GALNT18: variants seen among roughly 807,000 people sequenced by gnomAD.
The protein encoded by GALNT18 is GalNAc-transferase 18.
In GALNT18, 44 loss-of-function variants were observed where a neutral mutation model predicts 69.5. The observed-to-expected ratio is 0.63, with a 90% CI of 0.50 to 0.81. The LOEUF (loss-of-function observed/expected upper bound fraction) is 0.81. GALNT18 is among the 40% of genes least tolerant of loss of function. GALNT18 has a pLI of 0.00. For missense variants in GALNT18, 715 were observed against 810.0 expected, an observed-to-expected ratio of 0.88 and a Z score of 1.42; for synonymous variants, 364 against 318.2, an observed-to-expected ratio of 1.14 and a Z score of -1.53.
chr11:11,386,117 T>C (rs1854051097), intron 3 of GALNT18, among the ~76,000 whole-genome samples: 2 of 152,204 alleles, frequency 1.3e-5, no homozygotes, highest in East Asian at 1.9e-4. Context: ...TATGAAACAA[T>C]GTCTGTTGGT....
At chr11:11,412,396 C>G (rs1326724277) in intron 3 of GALNT18, among the ~76,000 whole-genome samples, 1 of 152,170 alleles carries the variant, frequency 6.6e-6, no homozygotes, top group Non-Finnish European at 1.5e-5. Context: ...GCTTTGGATC[C>G]CCGATCCCTA....
rs567964606 is a variant in GALNT18, at chr11:11,512,170, G to A, written c.236-63234C>T. ...AAAGCCAATTTTTCCATCTGAAACC[G>A]CCTGCCCCCATGGGTTCAGGGCTGA... On this transcript the variant is annotated intron_variant, in intron 1 of 10. Transcript: ENST00000227756. Among the ~76,000 whole-genome samples, 18 of 152,216 alleles carry A rather than the reference G, an allele frequency of 1.2e-4. No individual in the cohort carries two copies. In the East Asian group the frequency reaches 2.9e-3, roughly 25 times the overall value.
rs145600476 is a variant in GALNT18, at chr11:11,505,255, G to C, written c.236-56319C>G. On this transcript the variant is annotated intron_variant, in intron 1 of 10. Transcript: ENST00000227756. This position sits in a 1 kb window ranked among gnomAD's most constrained non-coding sequence, Gnocchi z 4.6. ...GTTGTTTATAGCCAGTGTCTGCTAT[G>C]ATTAGTCATGGATTGGTTGTGAGAT... 3.3e-4 allele frequency among the ~76,000 whole-genome samples: 51 copies of C among 152,302 alleles called. No homozygotes were observed. The East Asian group carries it at 8.1e-3, about 24-fold the overall frequency.
Position 11,382,015 on chromosome 11 carries a change from A to G in GALNT18, c.596-2751T>C, listed in dbSNP as rs534055057. On this transcript the variant is annotated intron_variant, in intron 3 of 10. Transcript: ENST00000227756. The surrounding 1 kb of genome is among the most constrained non-coding windows in gnomAD (Gnocchi z 4.3). ...AGGAAATGCAATCAGAGGAAGAATG[A>G]GCTTTGAGGGGTGGCAGCAAGAGAT... Among the ~76,000 whole-genome samples, 1 of 152,346 alleles carries G rather than the reference A, an allele frequency of 6.6e-6. No homozygotes were observed. The highest frequency in any genetic ancestry group is 2.4e-5 in the African/African-American group (1 of 41,578).
chr11:11,366,181 C>T (rs1173994507), intron 6 of GALNT18, among the ~76,000 whole-genome samples: 1 of 152,170 alleles, frequency 6.6e-6, no homozygotes, highest in Non-Finnish European at 1.5e-5. Context: ...CTTTGAAAAG[C>T]AAATTAATTC....
intron 1 of GALNT18, among the ~76,000 whole-genome samples, chr11:11,485,908 C>T (rs1856634208): frequency 6.6e-6 from 1 of 152,086 alleles, no homozygotes; most frequent in Admixed American, 6.5e-5. Context: ...AAAGTTGCTG[C>T]CCTATGTAAT....
intron 1 of GALNT18, among the ~76,000 whole-genome samples, chr11:11,498,873 C>A (rs546657006): frequency 6.6e-6 from 1 of 152,320 alleles, no homozygotes; most frequent in South Asian, 2.1e-4. Context: ...ATTGTAGTTA[C>A]AGTCAGAGAA....
chr11:11,530,361 C>T (rs1317783700), intron 1 of GALNT18, among the ~76,000 whole-genome samples: 1 of 152,154 alleles, frequency 6.6e-6, no homozygotes, highest in Non-Finnish European at 1.5e-5. Flanking sequence ...TGTCTCTGCC[C>T]CCAGGAGACA....
At chr11:11,520,665 G>A (rs188430618) in intron 1 of GALNT18, among the ~76,000 whole-genome samples, 1 of 152,314 alleles carries the variant, frequency 6.6e-6, no homozygotes, top group East Asian at 1.9e-4. Flanking sequence ...GCAGGAGAAA[G>A]CTAGATGGGG....
At position 11,314,247 on chromosome 11, in the gene GALNT18, T is replaced by C; in HGVS notation, c.1512+12839A>G. ...GAACATTGGTCCACTGTGGAGCTGC[T>C]AATGACTGCTTCTCCCCAGCCTGCA... On this transcript the variant is annotated intron_variant, in intron 9 of 10. Transcript: ENST00000227756. The surrounding 1 kb of genome is among the most constrained non-coding windows in gnomAD (Gnocchi z 5.2). Among the ~76,000 whole-genome samples, 1 of 152,194 alleles carries C rather than the reference T, an allele frequency of 6.6e-6. No homozygotes were observed. Among genetic ancestry groups the C allele is most frequent in the East Asian group, 1.9e-4 (1 of 5,198 alleles).
At position 11,338,836 on chromosome 11, in the gene GALNT18, A is replaced by C. The variant is rs903614158; in HGVS notation, c.1278+1983T>G. 2.0e-5 allele frequency among the ~76,000 whole-genome samples: 3 copies of C among 152,204 alleles called. No homozygotes were observed. Among genetic ancestry groups the C allele is most frequent in the African/African-American group, 7.2e-5 (3 of 41,460 alleles). On this transcript the variant is annotated intron_variant, in intron 7 of 10. Coordinates refer to ENST00000227756, the MANE Select transcript of GALNT18 (RefSeq NM_198516.3). This position sits in a 1 kb window ranked among gnomAD's most constrained non-coding sequence, Gnocchi z 5.3. ...TCCCCCATGGAGCATGTAAGCACCC[A>C]GTGAAGGTAAGAGGAGCCCTTGAAG...
At chr11:11,394,431 G>C (rs1435871765) in intron 3 of GALNT18, among the ~76,000 whole-genome samples, 1 of 151,984 alleles carries the variant, frequency 6.6e-6, no homozygotes, top group African/African-American at 2.4e-5. Context: ...TAGAAGATGA[G>C]CCAAAAAACA....
At chr11:11,325,276 G>A (rs907460087) in intron 9 of GALNT18, among the ~76,000 whole-genome samples, 2 of 152,294 alleles carry the variant, frequency 1.3e-5, no homozygotes, top group Middle Eastern at 3.4e-3. Flanking sequence ...AATATCGTAC[G>A]TTTTCACTTT....
At chr11:11,319,539 C>T (rs1243544030) in intron 9 of GALNT18, among the ~76,000 whole-genome samples, 4 of 152,182 alleles carry the variant, frequency 2.6e-5, no homozygotes, top group Non-Finnish European at 5.9e-5. Flanking sequence ...TATGCTGCTA[C>T]AAGCCGTTAC....
Position 11,556,415 on chromosome 11 carries a change from C to T in GALNT18, c.235+64944G>A, listed in dbSNP as rs115808728. Among the ~76,000 whole-genome samples, 863 of 152,314 alleles carry T rather than the reference C, an allele frequency of 5.7e-3. 7 individuals carry two copies. The highest frequency in any genetic ancestry group is 0.02 in the African/African-American group (814 of 41,548). ...CTGGGGTAAGTCGCCAACATGGCACCGGTAACTCAGGTTTCCAGGGGCAAT... is the reference window on the plus strand; with the variant it reads ...CTGGGGTAAGTCGCCAACATGGCACTGGTAACTCAGGTTTCCAGGGGCAAT... On this transcript the variant is annotated intron_variant, in intron 1 of 10. Coordinates refer to ENST00000227756, the MANE Select transcript of GALNT18 (RefSeq NM_198516.3).
chr11:11,370,420 G>C lies in GALNT18; in HGVS notation c.1092+2095C>G, dbSNP rs998585454. 5.9e-5 allele frequency among the ~76,000 whole-genome samples: 9 copies of C among 152,182 alleles called. No individual in the cohort carries two copies. The South Asian group carries it at 1.9e-3, about 32-fold the overall frequency. On this transcript the variant is annotated intron_variant, in intron 6 of 10. Transcript: ENST00000227756. The stretch of plus-strand genomic sequence containing the variant: ...AGAAAATCTGTTTTGCTGACGATCA[G>C]TGGTTCCGTAACCCTTAAAGGGGGA...
At chr11:11,437,520 TACA>T (rs1400532817) in intron 2 of GALNT18, among the ~76,000 whole-genome samples, 1 of 152,044 alleles carries the variant, frequency 6.6e-6, no homozygotes, top group Non-Finnish European at 1.5e-5. Flanking sequence ...GAGGCAAATT[TACA>T]ACAAGGGCTT....
chr11:11,406,951 G>A (rs1011613002), intron 3 of GALNT18, among the ~76,000 whole-genome samples: 1 of 152,212 alleles, frequency 6.6e-6, no homozygotes, highest in Non-Finnish European at 1.5e-5. Context: ...TCCCTGGAGG[G>A]TTTGCACTGA....
intron 9 of GALNT18, among the ~76,000 whole-genome samples, chr11:11,310,806 T>C (rs1849659776): frequency 6.6e-6 from 1 of 152,206 alleles, no homozygotes; most frequent in Non-Finnish European, 1.5e-5. Flanking sequence ...GGCAATGTGG[T>C]AACAATTGGG....
Sources: allele counts gnomAD v4.1 joint callset (sites outside exome capture counted in the v4.1 genomes callset), GRCh38; gene constraint gnomAD v4.1.1; non-coding constraint Gnocchi (gnomAD v3.1); transcripts MANE v1.5; gene names NCBI Gene and HGNC (gene_info 2026-07-23, HGNC 2026-07-21).